The following BTRC variants were observed in gnomAD, a reference collection of about 807,000 sequenced individuals.
The protein encoded by BTRC is F-box/WD repeat-containing protein 1A.
In BTRC, 42 loss-of-function variants were observed where a neutral mutation model predicts 85.5. The ratio of observed to expected loss-of-function variants is 0.49; its 90% CI spans 0.38 to 0.64. The LOEUF (loss-of-function observed/expected upper bound fraction) is 0.64, where lower values mean the gene tolerates loss of function less well. Ranked by LOEUF, BTRC falls within the 30% of genes least tolerant of loss-of-function variation. The probability of loss-of-function intolerance (pLI) is 0.00; values close to 1 mark genes in which losing one functional copy is unlikely to be tolerated. For missense variants in BTRC, 594 were observed against 743.5 expected (o/e 0.80, Z 2.34); for synonymous variants, 255 against 263.3 (o/e 0.97, Z 0.30).
At chr10:101,486,152 GCAGGAGTC>G (rs1230155926) in intron 4 of BTRC, among the ~76,000 whole-genome samples, 1 of 152,164 alleles carries the variant, frequency 6.6e-6, no homozygotes, top group Non-Finnish European at 1.5e-5. Context: ...TCAGAGATCG[GCAGGAGTC>G]CTACTTGCCT....
chr10:101,520,138 T>TGTTTGTTC (rs1288443075), intron 4 of BTRC, among the ~76,000 whole-genome samples: 4 of 151,796 alleles, frequency 2.6e-5, no homozygotes, highest in Admixed American at 6.6e-5. Flanking sequence ...GCTTGTATTT[T>TGTTTGTTC]GTTTGTTTGT....
At position 101,452,220 on chromosome 10, in the gene BTRC, C is replaced by T. The variant is rs983169456; in HGVS notation, c.157-9761C>T. Among the ~76,000 whole-genome samples the T allele has an allele frequency of 5.3e-5, 8 of 152,320 alleles. No homozygotes were observed. The East Asian group carries it at 1.5e-3, about 29-fold the overall frequency. On this transcript the variant is annotated intron_variant, in intron 2 of 14. Coordinates refer to ENST00000370187, the MANE Select transcript of BTRC (RefSeq NM_033637.4). ...GTGCACTATGACAATTAATCAGTTT[C>T]TGCATACTAGCATAAATGCACAAGG...
chr10:101,534,229 G>A lies in BTRC; in HGVS notation c.1098-432G>A, dbSNP rs376480082. Among the ~76,000 whole-genome samples, 4 of 152,146 alleles carry A rather than the reference G, an allele frequency of 2.6e-5. No homozygotes were observed. In the East Asian group the frequency reaches 5.8e-4, roughly 22 times the overall value. Reference sequence around the variant, plus strand: ...GCCTTTGACCTTTATGATAAAACCTGAGATCCAGGGTAATCAAACTCAAAT... The same window carrying A: ...GCCTTTGACCTTTATGATAAAACCTAAGATCCAGGGTAATCAAACTCAAAT... On this transcript the variant is annotated intron_variant, in intron 9 of 14. Transcript: ENST00000370187.
intron 2 of BTRC, among the ~76,000 whole-genome samples, chr10:101,452,206 CAATT>C (rs928066062): frequency 2.6e-5 from 4 of 152,202 alleles, no homozygotes; most frequent in African/African-American, 9.7e-5. Context: ...TGCACTATGA[CAATT>C]AATCAGTTTC....
intron 4 of BTRC, among the ~76,000 whole-genome samples, chr10:101,495,818 A>T (rs1198785076): frequency 1.4e-5 from 2 of 139,228 alleles, no homozygotes; most frequent in Non-Finnish European, 3.3e-5. Context: ...TTTTATTTTT[A>T]AAAAATTCCA....
intron 3 of BTRC, among the ~76,000 whole-genome samples, chr10:101,473,279 T>A (rs1045364620): frequency 1.3e-5 from 2 of 151,328 alleles, no homozygotes; most frequent in Admixed American, 6.6e-5. Context: ...TTTAAGCCTC[T>A]CCAGTAAATT....
chr10:101,533,696 G>C (rs1469200040), intron 9 of BTRC, among the ~76,000 whole-genome samples: 1 of 152,000 alleles, frequency 6.6e-6, no homozygotes, highest in Non-Finnish European at 1.5e-5. Flanking sequence ...TGCATCAAAA[G>C]TAACTTTAAA....
rs985589186 is a variant in BTRC at position 101,555,053 on chromosome 10, G to A, written c.*1930G>A. The A allele has an allele frequency of 6.6e-6, 1 of 152,182 alleles. No individual in the cohort carries two copies. Among genetic ancestry groups the A allele is most frequent in the African/African-American group, 2.4e-5 (1 of 41,434 alleles). 9.4% of individuals were successfully genotyped at this position (152,182 alleles called of 1,614,324 possible). A position where few individuals can be genotyped will look rare whatever the true frequency, so the allele number is the denominator to read the frequency against. On this transcript the variant is annotated 3_prime_UTR_variant, in exon 15 of 15. Coordinates refer to ENST00000370187, the MANE Select transcript of BTRC (RefSeq NM_033637.4). ...TTTTCTCAATGTAATTCCCTTCCCA[G>A]CTACCCAAATGCTACAGAGAAATGT...
intron 3 of BTRC, among the ~76,000 whole-genome samples, chr10:101,471,410 A>T (rs758608920): frequency 6.6e-6 from 1 of 152,196 alleles, no homozygotes; most frequent in Non-Finnish European, 1.5e-5. Context: ...AGACAGATAG[A>T]TAACTACTTT....
At chr10:101,481,883 C>G (rs539144102) in intron 4 of BTRC, among the ~76,000 whole-genome samples, 2 of 152,340 alleles carry the variant, frequency 1.3e-5, no homozygotes, top group South Asian at 2.1e-4. Flanking sequence ...TGGCCCACAT[C>G]CTGTCTTCTG....
At chr10:101,471,890 T>C (rs1945534323) in intron 3 of BTRC, among the ~76,000 whole-genome samples, 1 of 152,228 alleles carries the variant, frequency 6.6e-6, no homozygotes, top group South Asian at 2.1e-4. Flanking sequence ...TATAATATGT[T>C]AATATCTTTT....
At chr10:101,476,606 G>A (rs999974691) in intron 3 of BTRC, among the ~76,000 whole-genome samples, 1 of 151,596 alleles carries the variant, frequency 6.6e-6, no homozygotes, top group Non-Finnish European at 1.5e-5. Context: ...CTACAGGCCT[G>A]TGCTGCCACG....
intron 1 of BTRC, among the ~76,000 whole-genome samples, chr10:101,425,828 G>GA (rs908736107): frequency 6.0e-5 from 9 of 150,220 alleles, no homozygotes; most frequent in African/African-American, 7.3e-5. Context: ...GAAAGAAAGG[G>GA]AAAAAAAATT....
intron 1 of BTRC, among the ~76,000 whole-genome samples, chr10:101,373,945 A>G (rs1050105220): frequency 2.0e-5 from 3 of 152,024 alleles, no homozygotes; most frequent in African/African-American, 7.2e-5. Context: ...GACAGAAAAA[A>G]AAAAAAAAGA....
chr10:101,405,311 CAG>C (rs1471891125), intron 1 of BTRC, among the ~76,000 whole-genome samples: 1 of 151,936 alleles, frequency 6.6e-6, no homozygotes, highest in African/African-American at 2.4e-5. Flanking sequence ...CTCCTCTGAT[CAG>C]AGAGGAAGGT....
intron 2 of BTRC, among the ~76,000 whole-genome samples, chr10:101,455,557 A>G (rs1388575267): frequency 1.3e-5 from 2 of 152,212 alleles, no homozygotes; most frequent in Non-Finnish European, 1.5e-5. Flanking sequence ...AAGGCTTCTC[A>G]GAGAAGGTAT....
intron 1 of BTRC, among the ~76,000 whole-genome samples, chr10:101,415,231 A>C (rs1330702899): frequency 2.6e-5 from 4 of 151,726 alleles, no homozygotes; most frequent in Admixed American, 2.6e-4. Context: ...GCTGGAGTGC[A>C]GTGGTGAGAT....
intron 2 of BTRC, among the ~76,000 whole-genome samples, chr10:101,436,396 G>T (rs558618816): frequency 2.0e-5 from 3 of 152,290 alleles, no homozygotes; most frequent in African/African-American, 7.2e-5. Context: ...TATAATCTCA[G>T]CACTTTGGAA....
At chr10:101,368,702 T>C (rs915644580) in intron 1 of BTRC, among the ~76,000 whole-genome samples, 3 of 152,094 alleles carry the variant, frequency 2.0e-5, no homozygotes, top group African/African-American at 7.2e-5. Flanking sequence ...TTGCTGAACA[T>C]TCTTGCAGTG....
Sources: allele counts gnomAD v4.1 joint callset (sites outside exome capture counted in the v4.1 genomes callset), GRCh38; gene constraint gnomAD v4.1.1; transcripts MANE v1.5; gene names NCBI Gene and HGNC (gene_info 2026-07-23, HGNC 2026-07-21).